LIN54: variants seen among roughly 807,000 people sequenced by gnomAD.
LIN54 encodes lin-54 DREAM MuvB core complex component.
Under a neutral mutation model 78.7 loss-of-function variants are expected in LIN54, and 9 were observed. The ratio of observed to expected loss-of-function variants is 0.11; its 90% CI spans 0.07 to 0.20. The LOEUF (loss-of-function observed/expected upper bound fraction) is 0.20. LIN54 is among the 10% of genes least tolerant of loss of function. The pLI, the probability that LIN54 is intolerant of heterozygous loss-of-function variation, is 1.00. For synonymous variants in LIN54, 269 were observed against 318.4 expected, an observed-to-expected ratio of 0.84 and a Z score of 1.65; for missense variants, 573 against 889.9, an observed-to-expected ratio of 0.64 and a Z score of 4.53.
chr4:82,974,199 A>G lies in LIN54; in HGVS notation c.809-3730T>C, dbSNP rs545599287. ...CACTCCAGCCTGGGTGACAGAGCAA[A>G]ACTCCCTCTCAAAAAAACAAACAAA... On this transcript the variant is annotated intron_variant, in intron 3 of 12. Coordinates refer to ENST00000340417, the MANE Select transcript of LIN54 (RefSeq NM_194282.4). Among the ~76,000 whole-genome samples the G allele has an allele frequency of 3.6e-4, 54 of 150,956 alleles. No homozygotes were observed. The South Asian group carries it at 5.2e-3, about 15-fold the overall frequency.
chr4:82,978,890 A>G lies in LIN54; in HGVS notation c.801T>C (p.Val267=), dbSNP rs6535422. ...TGQTTQVSPP[V]IAGRVLSQST... ...ACTATAAAGAAATATAACCTGCAAT[A>G]ACTGGTGGTGAAACTTGAGTTGTCT... The change falls in exon 3 of 13, where the codon GTT becomes GTC. Residue 267 remains valine, a synonymous_variant. Coordinates refer to ENST00000340417, the MANE Select transcript of LIN54 (RefSeq NM_194282.4). 1 allele frequency: 1,539,491 copies of G among 1,540,360 alleles called. 769,313 individuals carry two copies. The highest frequency in any genetic ancestry group is 1 in the East Asian group (44,346 of 44,346).
In LIN54 at chr4:83,008,574, C is replaced by T. The variant is rs372544461; in HGVS notation, c.-33+1910G>A. 6.6e-5 allele frequency among the ~76,000 whole-genome samples: 10 copies of T among 152,162 alleles called. No homozygotes were observed. In the East Asian group the frequency reaches 7.7e-4, roughly 12 times the overall value. On this transcript the variant is annotated intron_variant, in intron 1 of 12. Transcript: ENST00000340417. ...GGCTGAGGCAGGAGAATGGCGTGAA[C>T]CCAGGACGCGGAGCTTGCAGGGAGC...
intron 5 of LIN54, among the ~76,000 whole-genome samples, 173 bp from the exon 6 acceptor site, chr4:82,940,135 C>T (rs980020405): frequency 6.6e-6 from 1 of 152,178 alleles, no homozygotes; most frequent in Non-Finnish European, 1.5e-5. Context: ...AAATTGCTTA[C>T]CCCATCTACC....
intron 1 of LIN54, among the ~76,000 whole-genome samples, chr4:83,002,921 C>A (rs770700359): frequency 1.3e-5 from 2 of 152,012 alleles, no homozygotes; most frequent in Non-Finnish European, 2.9e-5. Flanking sequence ...GGTTGGTGTC[C>A]CTAATCCCCA....
At chr4:82,993,578 CT>C (rs1343805879) in intron 1 of LIN54, among the ~76,000 whole-genome samples, 1 of 151,848 alleles carries the variant, frequency 6.6e-6, no homozygotes, top group Non-Finnish European at 1.5e-5. Flanking sequence ...TGCCCATGGT[CT>C]TTATATATTG....
At chr4:83,002,186 A>G (rs1031184610) in intron 1 of LIN54, among the ~76,000 whole-genome samples, 2 of 151,724 alleles carry the variant, frequency 1.3e-5, no homozygotes, top group Non-Finnish European at 2.9e-5. Flanking sequence ...CCCTTCTACG[A>G]TACACACAAT....
intron 12 of LIN54, among the ~76,000 whole-genome samples, chr4:82,928,709 A>G (rs1419723385): frequency 1.3e-5 from 2 of 152,242 alleles, no homozygotes; most frequent in Non-Finnish European, 2.9e-5. Context: ...TAGAGACGCT[A>G]CATGAATAGT....
At chr4:82,976,310 C>T (rs189675169) in intron 3 of LIN54, among the ~76,000 whole-genome samples, 41 of 150,100 alleles carry the variant, frequency 2.7e-4, no homozygotes, top group Non-Finnish European at 3.8e-4. Flanking sequence ...ATCGCTTATA[C>T]ACAAATATAA....
intron 1 of LIN54, among the ~76,000 whole-genome samples, chr4:82,991,344 T>C (rs186594724): frequency 6.6e-6 from 1 of 152,176 alleles, no homozygotes; most frequent in Non-Finnish European, 1.5e-5. Context: ...TGTTTATGAG[T>C]ATGTACAAAT....
rs778429843 is a variant in LIN54 at position 82,984,217 on chromosome 4, T to G, written c.628A>C (p.Ile210Leu). 1 of 1,614,060 alleles carries G rather than the reference T, an allele frequency of 6.2e-7. No homozygotes were observed. Among genetic ancestry groups the G allele is most frequent in the African/African-American group, 1.3e-5 (1 of 74,930 alleles). ...VSALTPGSQLINTTTQPSVLQ... is the reference protein window; with the variant it reads ...VSALTPGSQLLNTTTQPSVLQ... Reference sequence around the variant, plus strand: ...ACAGAGGGCTGAGTTGTAGTATTAATCAGTTGACTTCCTGGGGTCAATGCT... The same window carrying G: ...ACAGAGGGCTGAGTTGTAGTATTAAGCAGTTGACTTCCTGGGGTCAATGCT... The change falls in exon 2 of 13, where the codon ATT becomes CTT. Residue 210 changes from isoleucine to leucine, a missense_variant. Around this residue, in one of 6 missense-constraint regions of LIN54, gnomAD observed 3 missense variants for 19.8 expected, o/e 0.15. Transcript: ENST00000340417.
chr4:82,986,702 C>CAAAAAAAAAA (rs70943178), intron 1 of LIN54, among the ~76,000 whole-genome samples: 1 of 68,732 alleles, frequency 1.5e-5, no homozygotes, highest in Non-Finnish European at 2.7e-5. Flanking sequence ...GACCCCATCT[C>CAAAAAAAAAA]AAAAAAAAAA....
chr4:82,964,768 G>A (rs527866116), intron 4 of LIN54, among the ~76,000 whole-genome samples: 10 of 152,272 alleles, frequency 6.6e-5, no homozygotes, highest in Non-Finnish European at 1.3e-4. Context: ...GCTCATGCCT[G>A]TCATCCCAGC....
chr4:82,933,570 G>A (rs1722145077), intron 11 of LIN54, among the ~76,000 whole-genome samples: 1 of 152,188 alleles, frequency 6.6e-6, no homozygotes, highest in Non-Finnish European at 1.5e-5. Flanking sequence ...CAAAAGAACA[G>A]TTCAACACAA....
intron 1 of LIN54, among the ~76,000 whole-genome samples, chr4:82,998,906 A>G (rs1304668352): frequency 6.6e-6 from 1 of 152,240 alleles, no homozygotes; most frequent in African/African-American, 2.4e-5. Flanking sequence ...AAAAGTTACA[A>G]TGTATAAAAA....
intron 1 of LIN54, among the ~76,000 whole-genome samples, chr4:82,998,269 G>A (rs892933213): frequency 1.4e-4 from 21 of 151,620 alleles, no homozygotes; most frequent in African/African-American, 5.1e-4. Context: ...TCTGGGACAG[G>A]TGCAGTGGCT....
chr4:82,980,393 A>G (rs1057113291), intron 2 of LIN54, among the ~76,000 whole-genome samples: 1 of 152,130 alleles, frequency 6.6e-6, no homozygotes, highest in Non-Finnish European at 1.5e-5. Flanking sequence ...ACCAACATGA[A>G]TAACAGAAAT....
At chr4:82,934,619 T>A (rs1036034301) in intron 11 of LIN54, among the ~76,000 whole-genome samples, 1 of 152,196 alleles carries the variant, frequency 6.6e-6, no homozygotes. Context: ...TGACACATGC[T>A]GTATGGGAGA....
intron 5 of LIN54, among the ~76,000 whole-genome samples, chr4:82,942,900 T>TCC (rs1723055152): frequency 1.4e-5 from 2 of 140,070 alleles, no homozygotes; most frequent in African/African-American, 5.1e-5. Flanking sequence ...ACACCCTCCC[T>TCC]CCCTCCCTGG....
chr4:83,012,174 C>T (rs563732221), upstream of LIN54: 2 of 349,270 alleles, frequency 5.7e-6, no homozygotes, highest in South Asian at 2.4e-4. Context: ...TTCATTTCCC[C>T]ACTGACGGCC....
Sources: allele counts gnomAD v4.1 joint callset (sites outside exome capture counted in the v4.1 genomes callset), GRCh38; gene constraint gnomAD v4.1.1; regional missense constraint gnomAD v4.1.1; transcripts MANE v1.5; gene names NCBI Gene and HGNC (gene_info 2026-07-23, HGNC 2026-07-21).